Variants in AMACR observed in about 807,000 individuals in gnomAD.
AMACR encodes the protein 2-methylacyl-CoA racemase.
AMACR carries 18 observed loss-of-function variants against 22.2 expected under a neutral mutation model. The ratio of observed to expected loss-of-function variants is 0.81; its 90% confidence interval spans 0.56 to 1.20. The LOEUF is 1.20. Ranked by LOEUF, AMACR falls within the 50% of genes most tolerant of loss-of-function variation. The probability of loss-of-function intolerance (pLI) is 0.00; values close to 1 mark genes in which losing one functional copy is unlikely to be tolerated. For missense variants in AMACR, 499 were observed against 490.6 expected (o/e 1.02, Z -0.16); for synonymous variants, 213 against 191.3 (o/e 1.11, Z -0.94).
chr5:34,000,504 CTT>C (rs11429237), intron 3 of AMACR, among the ~76,000 whole-genome samples: 1 of 147,688 alleles, frequency 6.8e-6, no homozygotes, highest in Non-Finnish European at 1.5e-5. Context: ...AATATAGGGT[CTT>C]TTTTTTTTTG....
chr5:34,000,845 A>G (rs1029564011), intron 3 of AMACR, among the ~76,000 whole-genome samples: 3 of 152,244 alleles, frequency 2.0e-5, no homozygotes, highest in Non-Finnish European at 2.9e-5. Context: ...AAAATAATAT[A>G]TAAATATTGA....
chr5:34,005,893 A>G lies in AMACR; in HGVS notation c.254T>C (p.Met85Thr), dbSNP rs936948409. The change falls in exon 2 of 5, where the codon ATG becomes ACG. Residue 85 changes from methionine to threonine, a missense_variant. Transcript: ENST00000335606. ...VLLEPFRRGV[M>T]EKLQLGPEIL... Reference sequence around the variant, plus strand: ...CTCTGGGCCCAGCTGGAGTTTCTCCATGACACCTTAAGAGAAAAGTAACGA... The same window carrying G: ...CTCTGGGCCCAGCTGGAGTTTCTCCGTGACACCTTAAGAGAAAAGTAACGA... The G allele has an allele frequency of 1.9e-6, 3 of 1,614,082 alleles. No individual in the cohort carries two copies. Among genetic ancestry groups the G allele is most frequent in the Admixed American group, 3.3e-5 (2 of 60,010 alleles).
intron 3 of AMACR, among the ~76,000 whole-genome samples, chr5:33,999,761 A>G (rs867400613): frequency 2.6e-5 from 4 of 152,336 alleles, no homozygotes; most frequent in Middle Eastern, 3.4e-3. Flanking sequence ...ATCTTTGGAT[A>G]TATCCAATTT....
At chr5:33,991,505 G>C (rs555899161) in intron 4 of AMACR, among the ~76,000 whole-genome samples, 1 of 152,030 alleles carries the variant, frequency 6.6e-6, no homozygotes, top group Non-Finnish European at 1.5e-5. Context: ...TCAGGAACTA[G>C]CCTGGGGACT....
intron 3 of AMACR, among the ~76,000 whole-genome samples, chr5:34,001,702 G>A (rs1276763520): frequency 6.6e-6 from 1 of 152,192 alleles, no homozygotes; most frequent in Non-Finnish European, 1.5e-5. Flanking sequence ...AGTTTCCAAG[G>A]AAACAGCACT....
chr5:34,000,668 G>A (rs1003174207), intron 3 of AMACR, among the ~76,000 whole-genome samples: 2 of 151,882 alleles, frequency 1.3e-5, no homozygotes, highest in Admixed American at 1.3e-4. Flanking sequence ...TAATTTTTGC[G>A]TAAAAACTAT....
rs1036769220 is a variant in AMACR, at chr5:33,994,771, G to A, written c.739+3870C>T. Among the ~76,000 whole-genome samples the A allele has an allele frequency of 5.3e-5, 8 of 152,112 alleles. No individual in the cohort carries two copies. The East Asian group carries it at 5.8e-4, about 11-fold the overall frequency. ...AAAAGAGGGGGCTGTAAAAAAATCA[G>A]GGGAGTTACAAAGTTTAAACTCAGC... is the stretch of plus-strand genomic sequence containing the variant. On this transcript the variant is annotated intron_variant, in intron 4 of 4. Transcript: ENST00000335606.
rs10064116 is a variant in AMACR, at chr5:34,001,061, G to A, written c.553-2234C>T. ...AAGAAATACAGCAGGAACCCTCCTC[G>A]TCTCATCATAAGGCCTGGCAGTGGC... On this transcript the variant is annotated intron_variant, in intron 3 of 4. Coordinates refer to ENST00000335606, the MANE Select transcript of AMACR (RefSeq NM_014324.6). Among the ~76,000 whole-genome samples the A allele has an allele frequency of 3.7e-3, 561 of 152,188 alleles. 7 individuals carry two copies. Among genetic ancestry groups the A allele is most frequent in the African/African-American group, 0.013 (543 of 41,532 alleles).
intron 4 of AMACR, among the ~76,000 whole-genome samples, chr5:33,996,687 T>C (rs1753645326): frequency 6.6e-6 from 1 of 151,928 alleles, no homozygotes; most frequent in African/African-American, 2.4e-5. Context: ...GAATCACTGG[T>C]ACCCCAGAGT....
At position 34,005,906 on chromosome 5, in the gene AMACR, A is replaced by G. The variant is rs369606862; in HGVS notation, c.248-7T>C. The G allele has an allele frequency of 1.7e-5, 28 of 1,614,006 alleles. No homozygotes were observed. Among genetic ancestry groups the G allele is most frequent in the Non-Finnish European group, 2.3e-5 (27 of 1,180,038 alleles). ...TGGAGTTTCTCCATGACACCTTAAG[A>G]GAAAAGTAACGATCTTCTTAAGAGA... On this transcript the variant is annotated splice_region_variant and splice_polypyrimidine_tract_variant and intron_variant, in intron 1 of 4. Transcript: ENST00000335606.
At chr5:34,003,308 T>C (rs1753875322) in intron 3 of AMACR, among the ~76,000 whole-genome samples, 1 of 152,154 alleles carries the variant, frequency 6.6e-6, no homozygotes, top group African/African-American at 2.4e-5. Context: ...ACTTTAAAAC[T>C]GAAAAGACCA....
chr5:33,988,118 G>T lies in AMACR; in HGVS notation c.*975C>A. ...TACTCCCTCTACTCTGATGGCACCC[G>T]GATTAGATTGTGGAATCTACCCCTT... On this transcript the variant is annotated 3_prime_UTR_variant, in exon 5 of 5. Coordinates refer to ENST00000335606, the MANE Select transcript of AMACR (RefSeq NM_014324.6). 1.9e-6 allele frequency: 1 copy of T among 536,990 alleles called. No homozygotes were observed. Among genetic ancestry groups the T allele is most frequent in the East Asian group, 3.0e-5 (1 of 33,766 alleles). 33.3% of individuals were successfully genotyped at this position (536,990 alleles called of 1,614,324 possible).
intron 4 of AMACR, 127 bp from the exon 5 acceptor site, chr5:33,989,629 C>A: frequency 2.5e-6 from 2 of 800,322 alleles, no homozygotes; most frequent in Admixed American, 2.7e-5. Flanking sequence ...TCAAATGAGT[C>A]AAGAGAAAAA....
At chr5:33,992,695 G>A (rs948630968) in intron 4 of AMACR, among the ~76,000 whole-genome samples, 2 of 152,154 alleles carry the variant, frequency 1.3e-5, no homozygotes, top group Non-Finnish European at 2.9e-5. Flanking sequence ...AGGCAACAGT[G>A]TAAGTCCTTG....
Position 33,989,275 on chromosome 5 carries a change from C to T in AMACR, c.967G>A (p.Val323Met), listed in dbSNP as rs200505839. The change falls in exon 5 of 5, where the codon GTG becomes ATG. Residue 323 changes from valine to methionine, a missense_variant. Transcript: ENST00000335606. ...GSFITSEEQD[V>M]SPRPAPLLLN... The stretch of plus-strand genomic sequence containing the variant: ...AGCAGAGGTGCAGGGCGGGGGCTCA[C>T]GTCCTGCTCCTCACTGGTGATAAAC... 3.7e-6 allele frequency: 6 copies of T among 1,614,108 alleles called. No individual in the cohort carries two copies. The highest frequency in any genetic ancestry group is 4.5e-5 in the East Asian group (2 of 44,882).
Position 34,007,935 on chromosome 5 carries a change from C to A in AMACR, c.85G>T (p.Ala29Ser). ...GGCCGGTCCACGCGTACCACACGCG[C>A]CCCGAAGTCAGCCAGGACCATAGCA... is the stretch of plus-strand genomic sequence containing the variant. Reference protein sequence around the residue: ...FCAMVLADFGARVVRVDRPGS... With the variant: ...FCAMVLADFGSRVVRVDRPGS... The change falls in exon 1 of 5, where the codon GCG becomes TCG. Residue 29 changes from alanine to serine, a missense_variant. By Grantham distance (99) the Ala-to-Ser change is moderately conservative (BLOSUM62 1). Transcript: ENST00000335606. 6.2e-7 allele frequency: 1 copy of A among 1,610,654 alleles called. No homozygotes were observed. Among genetic ancestry groups the A allele is most frequent in the South Asian group, 1.1e-5 (1 of 91,024 alleles).
At chr5:33,993,012 C>T (rs1341382547) in intron 4 of AMACR, among the ~76,000 whole-genome samples, 2 of 152,134 alleles carry the variant, frequency 1.3e-5, no homozygotes, top group Non-Finnish European at 2.9e-5. Context: ...TCCATCTGTA[C>T]CACACAACTC....
intron 4 of AMACR, chr5:33,997,621 G>C (rs1753683976): frequency 1.4e-6 from 1 of 710,514 alleles, no homozygotes; most frequent in African/African-American, 1.8e-5. Flanking sequence ...AGAGCATCAT[G>C]AGCAGCCAGA....
At position 33,988,332 on chromosome 5, in the gene AMACR, TG is replaced by T; in HGVS notation, c.*760del. On this transcript the variant is annotated 3_prime_UTR_variant, in exon 5 of 5. Coordinates refer to ENST00000335606, the MANE Select transcript of AMACR (RefSeq NM_014324.6). ...TTTATTTCTGGATGTTGCTGTGTGT[TG>T]GGTATAAGATCCAGAACTTGCTACC... is the stretch of plus-strand genomic sequence containing the variant. 1 of 1,542,060 alleles carries T rather than the reference TG, an allele frequency of 6.5e-7. No homozygotes were observed. The highest frequency in any genetic ancestry group is 1.2e-5 in the South Asian group (1 of 84,330).
Sources: allele counts gnomAD v4.1 joint callset (sites outside exome capture counted in the v4.1 genomes callset), GRCh38; gene constraint gnomAD v4.1.1; transcripts MANE v1.5; gene names NCBI Gene and HGNC (gene_info 2026-07-23, HGNC 2026-07-21).